CACNA1B: variants seen among roughly 807,000 people sequenced by gnomAD.
CACNA1B encodes the protein calcium voltage-gated channel subunit alpha1 B, also known as voltage-dependent N-type calcium channel subunit alpha-1B.
Under a neutral mutation model 247.2 loss-of-function variants are expected in CACNA1B, and 70 were observed. That is an observed-to-expected ratio of 0.28 (90% CI 0.23 to 0.35). The LOEUF is 0.35. CACNA1B is among the 10% of genes least tolerant of loss of function. The pLI is 1.00. For missense variants in CACNA1B, 2,367 were observed against 3,197.4 expected, an observed-to-expected ratio of 0.74 and a Z score of 6.26; for synonymous variants, 1,231 against 1,294.4, an observed-to-expected ratio of 0.95 and a Z score of 1.05.
In CACNA1B at chr9:138,073,633, T is replaced by C. The variant is rs1960209381; in HGVS notation, c.4791+29T>C. On this transcript the variant is annotated intron_variant, in intron 33 of 46. Transcript: ENST00000371372. This position sits in a 1 kb window ranked among gnomAD's most constrained non-coding sequence, Gnocchi z 6.4. ...GGCCAGGCGGGGGGCCTCCATGCTTTCTGTCCCCTTCCTCCGTCTTGCTTC... is the reference window on the plus strand; with the variant it reads ...GGCCAGGCGGGGGGCCTCCATGCTTCCTGTCCCCTTCCTCCGTCTTGCTTC... 2 of 1,243,146 alleles carry C rather than the reference T, an allele frequency of 1.6e-6. No homozygotes were observed. Among genetic ancestry groups the C allele is most frequent in the Non-Finnish European group, 1.2e-6 (1 of 842,036 alleles). 77.0% of individuals were successfully genotyped at this position (1,243,146 alleles called of 1,614,324 possible). A position where few individuals can be genotyped will look rare whatever the true frequency, so the allele number is the denominator to read the frequency against.
chr9:138,053,786 G>C, intron 25 of CACNA1B, 60 bp from the exon 26 acceptor site: 1 of 1,138,844 alleles, frequency 8.8e-7, no homozygotes, highest in South Asian at 1.6e-5. Flanking sequence ...TCCCCCTCAT[G>C]GCCCCACTCT....
chr9:138,053,497 C>CCT (rs1959369148), intron 25 of CACNA1B, among the ~76,000 whole-genome samples: 1 of 152,148 alleles, frequency 6.6e-6, no homozygotes, highest in African/African-American at 2.4e-5. Context: ...AGGTGCCCTG[C>CCT]CTGGTCCTCT....
At position 137,986,401 on chromosome 9, in the gene CACNA1B, C is replaced by G. The variant is rs774705910; in HGVS notation, c.1770-12C>G. On this transcript the variant is annotated splice_polypyrimidine_tract_variant and intron_variant, in intron 13 of 46. Transcript: ENST00000371372. The surrounding 1 kb of genome is among the most constrained non-coding windows in gnomAD (Gnocchi z 6.0). ...TCTGGAGCTGGCTCAGACCCCCTGC[C>G]TGGCCCCGCAGGTACTGGAGCTCCC... is the stretch of plus-strand genomic sequence containing the variant. 1 of 1,613,464 alleles carries G rather than the reference C, an allele frequency of 6.2e-7. No homozygotes were observed. Among genetic ancestry groups the G allele is most frequent in the Non-Finnish European group, 8.5e-7 (1 of 1,179,678 alleles).
Position 137,917,377 on chromosome 9 carries a change from C to A in CACNA1B, c.912C>A (p.Ile304=). 1 of 1,614,018 alleles carries A rather than the reference C, an allele frequency of 6.2e-7. No homozygotes were observed. The highest frequency in any genetic ancestry group is 8.5e-7 in the Non-Finnish European group (1 of 1,179,884). ...ITNFDNILFA[I]LTVFQCITME... is the part of the protein sequence containing the mutation. The stretch of plus-strand genomic sequence containing the variant: ...ACTTTGACAATATCCTGTTTGCCAT[C>A]TTGACGGTGTTCCAGTGCATCACCA... Residue 304 remains isoleucine, a synonymous_variant, in exon 6 of 47, where the codon ATC becomes ATA. Transcript: ENST00000371372. The surrounding 1 kb of genome is among the most constrained non-coding windows in gnomAD (Gnocchi z 5.5).
intron 23 of CACNA1B, among the ~76,000 whole-genome samples, chr9:138,047,662 G>A (rs527685428): frequency 7.2e-5 from 11 of 152,342 alleles, no homozygotes; most frequent in Middle Eastern, 3.4e-3. Context: ...TACTTCCCGC[G>A]CTGGGAGTGC....
intron 15 of CACNA1B, among the ~76,000 whole-genome samples, chr9:137,997,458 G>A (rs1014162893): frequency 1.3e-5 from 2 of 152,096 alleles, no homozygotes; most frequent in Non-Finnish European, 2.9e-5. Flanking sequence ...ACATGAAATT[G>A]GATTCCTACC....
chr9:137,956,681 G>A, intron 8 of CACNA1B, 90 bp from the exon 9 acceptor site: 1 of 1,041,778 alleles, frequency 9.6e-7, no homozygotes, highest in East Asian at 2.5e-5. Flanking sequence ...GAGCTGAGAA[G>A]GCAGGGCCTT....
intron 15 of CACNA1B, among the ~76,000 whole-genome samples, chr9:137,988,166 TG>T (rs1958388999): frequency 6.6e-6 from 1 of 151,862 alleles, no homozygotes; most frequent in Non-Finnish European, 1.5e-5. Flanking sequence ...GGGACAGAGG[TG>T]GGTGGTCTCC....
At position 138,059,514 on chromosome 9, in the gene CACNA1B, C is replaced by T; in HGVS notation, c.4585-140C>T. 1 of 661,152 alleles carries T rather than the reference C, an allele frequency of 1.5e-6. No individual in the cohort carries two copies. The highest frequency in any genetic ancestry group is 2.7e-6 in the Non-Finnish European group (1 of 367,712). 41.0% of individuals were successfully genotyped at this position (661,152 alleles called of 1,614,324 possible). On this transcript the variant is annotated intron_variant, in intron 30 of 46. Coordinates refer to ENST00000371372, the MANE Select transcript of CACNA1B (RefSeq NM_000718.4). The surrounding 1 kb of genome is among the most constrained non-coding windows in gnomAD (Gnocchi z 4.2). ...CTTACCTCTGGCCTTGTGCTGTGCCCCCTGGGGTGGCCTGTCTGCCCTGTG... is the reference window on the plus strand; with the variant it reads ...CTTACCTCTGGCCTTGTGCTGTGCCTCCTGGGGTGGCCTGTCTGCCCTGTG...
In CACNA1B at chr9:137,956,836, C is replaced by A; in HGVS notation, c.1243+9C>A. 6.2e-7 allele frequency: 1 copy of A among 1,611,608 alleles called. No individual in the cohort carries two copies. Among genetic ancestry groups the A allele is most frequent in the Non-Finnish European group, 8.5e-7 (1 of 1,177,902 alleles). ...GAAGTCCCCTTTGGACGGTAGGTGG[C>A]ACTTGCTGGTACTCCTGTGTGGTGG... On this transcript the variant is annotated intron_variant, in intron 9 of 46. Coordinates refer to ENST00000371372, the MANE Select transcript of CACNA1B (RefSeq NM_000718.4).
At position 138,007,932 on chromosome 9, in the gene CACNA1B, A is replaced by C. The variant is rs1213449526; in HGVS notation, c.2092+1048A>C. On this transcript the variant is annotated intron_variant, in intron 16 of 46. Coordinates refer to ENST00000371372, the MANE Select transcript of CACNA1B (RefSeq NM_000718.4). This position sits in a 1 kb window ranked among gnomAD's most constrained non-coding sequence, Gnocchi z 4.1. The stretch of plus-strand genomic sequence containing the variant: ...AGACTTCACCTTCTTTCCTGTCTCC[A>C]TCTCCCTGGCTCCTCATTCCTTGCT... 3.3e-5 allele frequency among the ~76,000 whole-genome samples: 5 copies of C among 151,964 alleles called. No individual in the cohort carries two copies. The highest frequency in any genetic ancestry group is 6.5e-5 in the Admixed American group (1 of 15,272).
At chr9:138,076,744 A>AG (rs547104556) in intron 35 of CACNA1B, among the ~76,000 whole-genome samples, 122 of 152,346 alleles carry the variant, frequency 8.0e-4, no homozygotes, top group African/African-American at 2.8e-3. Context: ...GACAGAAGGA[A>AG]GGAGCTCTTT....
At chr9:138,002,318 A>G (rs529404224) in intron 15 of CACNA1B, among the ~76,000 whole-genome samples, 20 of 152,348 alleles carry the variant, frequency 1.3e-4, no homozygotes, top group African/African-American at 4.3e-4. Flanking sequence ...TCCGTATGAA[A>G]AAAATTGGAT....
chr9:137,957,733 C>CAT lies in CACNA1B; in HGVS notation c.1333+47_1333+48dup, dbSNP rs1957966044. 1.5e-6 allele frequency: 2 copies of CAT among 1,317,516 alleles called. No individual in the cohort carries two copies. The highest frequency in any genetic ancestry group is 2.1e-6 in the Non-Finnish European group (2 of 952,732). 81.6% of individuals were successfully genotyped at this position (1,317,516 alleles called of 1,614,324 possible). ...CCAGCTCTGCCAGGCTTGAGCTGGA[C>CAT]ATGGAGTGCATGCTCCGCTTCCCCT... On this transcript the variant is annotated intron_variant, in intron 10 of 46. Coordinates refer to ENST00000371372, the MANE Select transcript of CACNA1B (RefSeq NM_000718.4). This position sits in a 1 kb window ranked among gnomAD's most constrained non-coding sequence, Gnocchi z 4.7.
At chr9:138,043,739 T>A (rs1447209018) in intron 20 of CACNA1B, 35 bp from the exon 21 acceptor site, 29 of 1,613,320 alleles carry the variant, frequency 1.8e-5, no homozygotes, top group Non-Finnish European at 2.5e-5. Flanking sequence ...TCATGTGCAC[T>A]ACACCCCTTA....
In CACNA1B at chr9:138,074,025, A is replaced by G; in HGVS notation, c.4816A>G (p.Ile1606Val). The part of the protein sequence containing the change: ...FKALPYVCLL[I>V]AMLFFIYAII... ...GGCCCTGCCCTACGTGTGTCTGCTC[A>G]TTGCCATGCTGTTCTTCATCTACGC... Residue 1606 changes from isoleucine to valine, a missense_variant, in exon 34 of 47, where the codon ATT becomes GTT. This residue lies in a region of CACNA1B where 436 missense variants were observed against 679.5 expected (regional missense o/e 0.64). Transcript: ENST00000371372. 1.2e-6 allele frequency: 2 copies of G among 1,612,654 alleles called. No individual in the cohort carries two copies. Among genetic ancestry groups the G allele is most frequent in the Non-Finnish European group, 1.7e-6 (2 of 1,179,820 alleles).
In CACNA1B at chr9:137,990,544, A is replaced by G. The variant is rs1384278579; in HGVS notation, c.1974+3690A>G. On this transcript the variant is annotated intron_variant, in intron 15 of 46. Transcript: ENST00000371372. This position sits in a 1 kb window ranked among gnomAD's most constrained non-coding sequence, Gnocchi z 4.5. ...ACCTCCTGGCTGGAGGCCAACCAAT[A>G]TAAAACCAGCACACTTAACAAAAAT... Among the ~76,000 whole-genome samples, 2 of 152,192 alleles carry G rather than the reference A, an allele frequency of 1.3e-5. No individual in the cohort carries two copies. Among genetic ancestry groups the G allele is most frequent in the Admixed American group, 6.5e-5 (1 of 15,280 alleles).
chr9:138,040,501 A>T (rs866681569), intron 20 of CACNA1B: 2 of 315,358 alleles, frequency 6.3e-6, no homozygotes, highest in African/African-American at 4.6e-5. Flanking sequence ...TATATAAATG[A>T]TATATGTATG....
At chr9:137,949,849 G>T (rs993319696) in intron 6 of CACNA1B, among the ~76,000 whole-genome samples, 3 of 152,132 alleles carry the variant, frequency 2.0e-5, no homozygotes, top group East Asian at 1.9e-4. Context: ...CTTTGTAGAA[G>T]TATCTGTAAG....
Sources: allele counts gnomAD v4.1 joint callset (sites outside exome capture counted in the v4.1 genomes callset), GRCh38; gene constraint gnomAD v4.1.1; regional missense constraint gnomAD v4.1.1; non-coding constraint Gnocchi (gnomAD v3.1); transcripts MANE v1.5; gene names NCBI Gene and HGNC (gene_info 2026-07-23, HGNC 2026-07-21).